ABR: variants seen among roughly 807,000 people sequenced by gnomAD.
The protein encoded by ABR is active breakpoint cluster region-related protein.
Under a neutral mutation model 107.2 loss-of-function variants are expected in ABR, and 35 were observed. The observed-to-expected ratio is 0.33, with a 90% CI of 0.25 to 0.43. The LOEUF is 0.43. Among genes scored for constraint, ABR ranks in the 20% least tolerant of loss-of-function variants. The pLI is 1.00. For missense variants in ABR, 815 were observed against 1,115.2 expected, an observed-to-expected ratio of 0.73 and a Z score of 3.83; for synonymous variants, 498 against 462.0, an observed-to-expected ratio of 1.08 and a Z score of -1.00.
chr17:1,208,942 A>C (rs2042851657), intron 1 of ABR, among the ~76,000 whole-genome samples: 2 of 151,916 alleles, frequency 1.3e-5, no homozygotes, highest in Non-Finnish European at 2.9e-5. Flanking sequence ...AAAGACGGCA[A>C]GTGCTTAGTA....
intron 2 of ABR, chr17:1,109,168 T>TACA (rs2038486734): frequency 4.4e-6 from 6 of 1,375,288 alleles, no homozygotes; most frequent in Non-Finnish European, 5.7e-6. Flanking sequence ...GGGGCAGGTC[T>TACA]ACACCCGCGC....
At chr17:1,032,763 G>A (rs978346782) in intron 16 of ABR, among the ~76,000 whole-genome samples, 1 of 152,224 alleles carries the variant, frequency 6.6e-6, no homozygotes, top group Non-Finnish European at 1.5e-5. Context: ...AACAGTGCAA[G>A]TTAGAGTACG....
At chr17:1,227,859 C>G (rs2043250527) in intron 1 of ABR, among the ~76,000 whole-genome samples, 1 of 152,152 alleles carries the variant, frequency 6.6e-6, no homozygotes, top group Non-Finnish European at 1.5e-5. Context: ...TCGGTGGACG[C>G]TCAATTCCAG....
chr17:1,033,260 G>T (rs973854973), intron 16 of ABR, among the ~76,000 whole-genome samples: 2 of 152,198 alleles, frequency 1.3e-5, no homozygotes, highest in African/African-American at 2.4e-5. Context: ...TGGTGTTTTT[G>T]AGGAATAGGT....
intron 1 of ABR, among the ~76,000 whole-genome samples, chr17:1,132,317 C>A (rs918136536): frequency 6.6e-6 from 1 of 151,998 alleles, no homozygotes; most frequent in African/African-American, 2.4e-5. Context: ...TCATCTGTGC[C>A]CTCTCCCAGG....
At chr17:1,188,937 G>T (rs1378107681), upstream of ABR, among the ~76,000 whole-genome samples, 1 of 152,222 alleles carries the variant, frequency 6.6e-6, no homozygotes, top group African/African-American at 2.4e-5. Flanking sequence ...AGGCTGAGCT[G>T]CACCCAGGAC....
At position 1,027,430 on chromosome 17, in the gene ABR, C is replaced by G. The variant is rs1001814356; in HGVS notation, c.1792-14266G>C. Among the ~76,000 whole-genome samples the G allele has an allele frequency of 7.2e-5, 11 of 152,190 alleles. No homozygotes were observed. The highest frequency in any genetic ancestry group is 2.4e-4 in the African/African-American group (10 of 41,464). On this transcript the variant is annotated intron_variant, in intron 16 of 22. Coordinates refer to ENST00000302538, the MANE Select transcript of ABR (RefSeq NM_021962.5). The surrounding 1 kb of genome is among the most constrained non-coding windows in gnomAD (Gnocchi z 4.7). ...TGGGGTGGCTCTGTGTCTGAGTGGC[C>G]TCCAGAACCTTCATCAGATTCTCAG... is the stretch of plus-strand genomic sequence containing the variant.
At position 1,025,134 on chromosome 17, in the gene ABR, A is replaced by AG. The variant is rs1192895922; in HGVS notation, c.1792-11971_1792-11970insC. On this transcript the variant is annotated intron_variant, in intron 16 of 22. Transcript: ENST00000302538. ...GACTCCGTCTCAAAAAAAAAAAAAAAAAAATACAAAACTTGGCCGGGCGTG... is the reference window on the plus strand; with the variant it reads ...GACTCCGTCTCAAAAAAAAAAAAAAAGAAAATACAAAACTTGGCCGGGCGTG... Among the ~76,000 whole-genome samples, 56 of 144,140 alleles carry AG rather than the reference A, an allele frequency of 3.9e-4. 2 individuals carry two copies. Among genetic ancestry groups the AG allele is most frequent in the African/African-American group, 1.2e-3 (48 of 38,996 alleles). 94.6% of individuals were successfully genotyped at this position (144,140 alleles called of 152,430 possible).
intron 2 of ABR, among the ~76,000 whole-genome samples, chr17:1,120,251 T>A (rs914099378): frequency 1.1e-5 from 1 of 94,944 alleles, no homozygotes; most frequent in African/African-American, 3.5e-5. Flanking sequence ...GGGACAATGA[T>A]GATGATTTTT....
chr17:1,064,465 C>A (rs1197563108), intron 10 of ABR, among the ~76,000 whole-genome samples: 2 of 96,568 alleles, frequency 2.1e-5, no homozygotes, highest in African/African-American at 7.9e-5. Flanking sequence ...GTTACGTGAA[C>A]TGAGGGCTAT....
At chr17:1,022,269 GT>G (rs994703146) in intron 16 of ABR, among the ~76,000 whole-genome samples, 2 of 152,202 alleles carry the variant, frequency 1.3e-5, no homozygotes, top group Admixed American at 6.5e-5. Context: ...GGGTCTGAGG[GT>G]GGGCACGTTT....
intron 1 of ABR, among the ~76,000 whole-genome samples, chr17:1,204,767 T>C (rs1170434370): frequency 6.6e-6 from 1 of 152,168 alleles, no homozygotes; most frequent in East Asian, 1.9e-4. Context: ...ATGTTAGTAT[T>C]TAGGTTTGTG....
Position 1,091,829 on chromosome 17 carries a change from T to C in ABR, c.367A>G (p.Thr123Ala). The C allele has an allele frequency of 6.2e-7, 1 of 1,613,376 alleles. No homozygotes were observed. Among genetic ancestry groups the C allele is most frequent in the Non-Finnish European group, 8.5e-7 (1 of 1,179,706 alleles). ...AGCACGGGCTGGGAGGTGGTGGCGG[T>C]GGCCTTCAGGGGTTTCATGGGCTGG... is the stretch of plus-strand genomic sequence containing the variant. ...LLLPMKPLKA[T>A]ATTSQPVLTI... Residue 123 changes from threonine to alanine, a missense_variant, in exon 4 of 23, where the codon ACC becomes GCC. Around this residue, in one of 5 missense-constraint regions of ABR, gnomAD observed 385 missense variants for 596.9 expected, o/e 0.64. Coordinates refer to ENST00000302538, the MANE Select transcript of ABR (RefSeq NM_021962.5).
At chr17:1,108,001 C>T (rs2038373176) in intron 2 of ABR, among the ~76,000 whole-genome samples, 1 of 152,208 alleles carries the variant, frequency 6.6e-6, no homozygotes, top group Non-Finnish European at 1.5e-5. Context: ...GGTTCAGGGA[C>T]AGCCTCCCGT....
At chr17:1,074,342 G>A (rs985490329) in intron 6 of ABR, among the ~76,000 whole-genome samples, 18 of 145,158 alleles carry the variant, frequency 1.2e-4, no homozygotes, top group African/African-American at 4.4e-4. Flanking sequence ...CCACATGCAG[G>A]ACCCCAGAAT....
upstream of ABR, among the ~76,000 whole-genome samples, chr17:1,180,111 G>GC (rs1269953434): frequency 2.7e-5 from 4 of 150,930 alleles, no homozygotes; most frequent in South Asian, 2.1e-4. Flanking sequence ...TCCGCAGGAC[G>GC]CCCCCGGCCG....
intron 10 of ABR, among the ~76,000 whole-genome samples, chr17:1,059,453 G>C (rs2033687594): frequency 1.3e-5 from 2 of 152,112 alleles, no homozygotes. Flanking sequence ...CTGTCACTCT[G>C]CTGCCTCTAC....
chr17:1,067,050 C>A, intron 10 of ABR, 27 bp downstream of exon 10: 1 of 1,609,692 alleles, frequency 6.2e-7, no homozygotes, highest in Non-Finnish European at 8.5e-7. Context: ...CAAAGGGCCC[C>A]AGGCTCAGAT....
At chr17:1,207,199 G>A (rs2042805356) in intron 1 of ABR, among the ~76,000 whole-genome samples, 1 of 151,692 alleles carries the variant, frequency 6.6e-6, no homozygotes, top group African/African-American at 2.4e-5. Flanking sequence ...GTGCCAGTGA[G>A]CTGTGATTGT....
Sources: gnomAD v4.1 joint callset for allele counts (sites outside exome capture counted in the v4.1 genomes callset) on GRCh38, gnomAD v4.1.1 for gene constraint, gnomAD v4.1.1 regional missense constraint, Gnocchi (gnomAD v3.1) non-coding constraint, MANE v1.5 for transcripts, NCBI Gene and HGNC (gene_info 2026-07-23, HGNC 2026-07-21) for gene names.